CSMD1: variants seen among roughly 807,000 people sequenced by gnomAD.
CSMD1 encodes CUB and sushi domain-containing protein 1.
In CSMD1, 213 loss-of-function variants were observed where a neutral mutation model predicts 417.5. That is an observed-to-expected ratio of 0.51 (90% confidence interval 0.46 to 0.57). CSMD1 has a LOEUF of 0.57. CSMD1 is among the 20% of genes least tolerant of loss of function. The pLI is 0.00. For missense variants in CSMD1, 6,923 were observed against 4,529.7 expected (o/e 1.53, Z -15.17); for synonymous variants, 2,862 against 1,736.8 (o/e 1.65, Z -16.11).
intron 2 of CSMD1, among the ~76,000 whole-genome samples, chr8:4,605,309 G>A (rs1022228837): frequency 2.6e-5 from 4 of 152,038 alleles, no homozygotes; most frequent in African/African-American, 7.3e-5. Context: ...AATTTTCACA[G>A]GGTGGGTTCT....
intron 1 of CSMD1, among the ~76,000 whole-genome samples, chr8:4,754,549 T>G (rs1811547164): frequency 6.6e-6 from 1 of 151,850 alleles, no homozygotes; most frequent in Non-Finnish European, 1.5e-5. Flanking sequence ...ACTTTGTTTT[T>G]TTTTTTTTAA....
In CSMD1 at chr8:4,302,268, A is replaced by G. The variant is rs541767200; in HGVS notation, c.415+117685T>C. Among the ~76,000 whole-genome samples the G allele has an allele frequency of 2.0e-5, 3 of 152,356 alleles. No individual in the cohort carries two copies. In the East Asian group the frequency reaches 5.8e-4, roughly 29 times the overall value. ...AGTGTTTTAGGTGATGGTCTGGGAA[A>G]ATAGGTAAGAGATATCCTTGGAATG... is the stretch of plus-strand genomic sequence containing the variant. On this transcript the variant is annotated intron_variant, in intron 3 of 69. Coordinates refer to ENST00000635120, the MANE Select transcript of CSMD1 (RefSeq NM_033225.6).
chr8:4,819,145 C>T (rs1259556597), intron 1 of CSMD1, among the ~76,000 whole-genome samples: 2 of 152,212 alleles, frequency 1.3e-5, no homozygotes, highest in African/African-American at 2.4e-5. Flanking sequence ...ATGCGTCCTT[C>T]TGCTCTACTG....
At chr8:3,105,021 G>A (rs1216389566) in intron 46 of CSMD1, among the ~76,000 whole-genome samples, 1 of 152,202 alleles carries the variant, frequency 6.6e-6, no homozygotes, top group Admixed American at 6.5e-5. Flanking sequence ...TCAGACCTTT[G>A]AAGAGGATCC....
chr8:3,223,617 T>A (rs1032158802), intron 28 of CSMD1, 112 bp downstream of exon 28: 61 of 1,114,368 alleles, frequency 5.5e-5, no homozygotes, highest in Non-Finnish European at 7.6e-5. Context: ...AGACACAAAA[T>A]CTAGCACTTA....
At chr8:4,902,526 T>A (rs553310948) in intron 1 of CSMD1, among the ~76,000 whole-genome samples, 2 of 152,300 alleles carry the variant, frequency 1.3e-5, no homozygotes, top group South Asian at 2.1e-4. Flanking sequence ...CAACTTTACA[T>A]CAAATTTTAC....
chr8:4,102,968 C>G (rs1031543397), intron 3 of CSMD1, among the ~76,000 whole-genome samples: 1 of 152,260 alleles, frequency 6.6e-6, no homozygotes, highest in East Asian at 1.9e-4. Flanking sequence ...AACTTTAACA[C>G]GTGCAGAGCC....
intron 5 of CSMD1, among the ~76,000 whole-genome samples, chr8:3,807,146 C>G (rs889555434): frequency 6.6e-6 from 1 of 152,088 alleles, no homozygotes; most frequent in Non-Finnish European, 1.5e-5. Flanking sequence ...AAAAGTTTAA[C>G]CTTGATCCAC....
At chr8:3,732,223 T>C (rs1056654453) in intron 6 of CSMD1, among the ~76,000 whole-genome samples, 3 of 152,130 alleles carry the variant, frequency 2.0e-5, no homozygotes, top group Admixed American at 2.0e-4. Flanking sequence ...AATTTAGCAG[T>C]TTCGCCCGAG....
intron 7 of CSMD1, among the ~76,000 whole-genome samples, chr8:3,648,275 G>C (rs972719601): frequency 6.6e-6 from 1 of 152,082 alleles, no homozygotes; most frequent in Non-Finnish European, 1.5e-5. Context: ...CTTTTCTCTA[G>C]AGTAATATAT....
At chr8:3,900,775 A>C (rs1157872761) in intron 5 of CSMD1, among the ~76,000 whole-genome samples, 1 of 151,546 alleles carries the variant, frequency 6.6e-6, no homozygotes, top group Non-Finnish European at 1.5e-5. Flanking sequence ...GCTGGGTGAC[A>C]CTGTAGCTGG....
chr8:3,938,160 G>A (rs150481493), intron 5 of CSMD1, among the ~76,000 whole-genome samples: 1 of 152,074 alleles, frequency 6.6e-6, no homozygotes, highest in Non-Finnish European at 1.5e-5. Context: ...TCTGGTAATT[G>A]TGTCAATAAA....
Position 4,265,422 on chromosome 8 carries a change from G to A in CSMD1, c.415+154531C>T, listed in dbSNP as rs371268814. Among the ~76,000 whole-genome samples, 59 of 45,826 alleles carry A rather than the reference G, an allele frequency of 1.3e-3. 12 individuals are homozygous for A. Among genetic ancestry groups the A allele is most frequent in the African/African-American group, 2.1e-3 (57 of 26,744 alleles). 30.1% of individuals were successfully genotyped at this position (45,826 alleles called of 152,430 possible). On this transcript the variant is annotated intron_variant, in intron 3 of 69. Transcript: ENST00000635120. ...TGCACCATATTCAGAGTTCTTCAAA[G>A]CCAGTTGAAAAAGTGTCCTCTAACT... is the stretch of plus-strand genomic sequence containing the variant.
At chr8:4,560,655 T>C (rs1798289781) in intron 2 of CSMD1, among the ~76,000 whole-genome samples, 1 of 152,236 alleles carries the variant, frequency 6.6e-6, no homozygotes, top group African/African-American at 2.4e-5. Context: ...GCAAGACTTC[T>C]GAATAAAACA....
intron 4 of CSMD1, among the ~76,000 whole-genome samples, chr8:4,026,327 T>G (rs929425752): frequency 6.6e-6 from 1 of 152,170 alleles, no homozygotes; most frequent in African/African-American, 2.4e-5. Flanking sequence ...TAAATGTAAA[T>G]GTAATAATCT....
chr8:3,580,506 C>G (rs976714842), intron 9 of CSMD1, among the ~76,000 whole-genome samples: 1 of 152,146 alleles, frequency 6.6e-6, no homozygotes, highest in Non-Finnish European at 1.5e-5. Context: ...GGTTAGCTTT[C>G]AGGTTCTTTG....
At position 4,984,081 on chromosome 8, in the gene CSMD1, T is replaced by C. The variant is rs1232258826; in HGVS notation, c.85+10251A>G. On this transcript the variant is annotated intron_variant, in intron 1 of 69. Coordinates refer to ENST00000635120, the MANE Select transcript of CSMD1 (RefSeq NM_033225.6). The stretch of plus-strand genomic sequence containing the variant: ...ATGCTGTACCCTACAGAGAAAAGCA[T>C]GTACAGTACTTAAGAAAACAAGATA... 2.0e-5 allele frequency among the ~76,000 whole-genome samples: 3 copies of C among 152,178 alleles called. No individual in the cohort carries two copies. In the East Asian group the frequency reaches 5.8e-4, roughly 29 times the overall value.
chr8:4,730,909 TG>T (rs988226835), intron 1 of CSMD1, among the ~76,000 whole-genome samples: 5 of 126,822 alleles, frequency 3.9e-5, no homozygotes, highest in Non-Finnish European at 7.2e-5. Context: ...AACCGTGCTT[TG>T]TTTCCAGTCA....
chr8:4,905,981 G>C (rs370754425), intron 1 of CSMD1, among the ~76,000 whole-genome samples: 3 of 151,634 alleles, frequency 2.0e-5, no homozygotes, highest in Admixed American at 2.0e-4. Context: ...AAATACTTTC[G>C]GCAACACCAC....
Sources: gnomAD v4.1 joint callset for allele counts (sites outside exome capture counted in the v4.1 genomes callset) on GRCh38, gnomAD v4.1.1 for gene constraint, MANE v1.5 for transcripts, NCBI Gene and HGNC (gene_info 2026-07-23, HGNC 2026-07-21) for gene names.